Variants in HEATR4 observed in about 807,000 individuals in gnomAD.
The protein encoded by HEATR4 is HEAT repeat-containing protein 4.
In HEATR4, 95 loss-of-function variants were observed where a neutral mutation model predicts 108.8. That is an observed-to-expected ratio of 0.87 (90% CI 0.74 to 1.04). The LOEUF (loss-of-function observed/expected upper bound fraction) is 1.04. Ranked by LOEUF, HEATR4 falls within the 50% of genes least tolerant of loss-of-function variation. The pLI is 0.00. For synonymous variants in HEATR4, 443 were observed against 459.4 expected, an observed-to-expected ratio of 0.96 and a Z score of 0.46; for missense variants, 1,152 against 1,253.8, an observed-to-expected ratio of 0.92 and a Z score of 1.23.
At chr14:73,594,125 ATAT>A in the HEATR4 span, among the ~76,000 whole-genome samples, 3 of 152,176 alleles carry the variant, frequency 2.0e-5, no homozygotes, top group East Asian at 3.8e-4. Flanking sequence ...GTAATATTAA[ATAT>A]TATCTGTATA....
the HEATR4 span, among the ~76,000 whole-genome samples, chr14:73,629,755 C>T: frequency 3.9e-5 from 6 of 151,918 alleles, no homozygotes; most frequent in Admixed American, 6.6e-5. Context: ...CGCCATTCTC[C>T]TGCCTCAGCC....
intron 5 of HEATR4, among the ~76,000 whole-genome samples, chr14:73,514,455 G>T (rs1321627349): frequency 6.6e-6 from 1 of 152,086 alleles, no homozygotes; most frequent in Non-Finnish European, 1.5e-5. Flanking sequence ...GATGATGGGG[G>T]TGAGAGATTT....
intron 10 of HEATR4, among the ~76,000 whole-genome samples, chr14:73,504,019 G>T (rs1886649912): frequency 6.6e-6 from 1 of 151,760 alleles, no homozygotes; most frequent in South Asian, 2.1e-4. Flanking sequence ...TTGTTAAAAT[G>T]ATATTGTTAA....
chr14:73,503,459 T>G (rs1437830409), intron 10 of HEATR4, among the ~76,000 whole-genome samples: 8 of 152,176 alleles, frequency 5.3e-5, no homozygotes, highest in Non-Finnish European at 1.2e-4. Flanking sequence ...ACTCTATAAG[T>G]GCACTTCTCT....
At chr14:73,579,573 C>CA in the HEATR4 span, among the ~76,000 whole-genome samples, 547 of 55,904 alleles carry the variant, frequency 9.8e-3, 2 homozygotes, top group Non-Finnish European at 0.013. Flanking sequence ...AAAGCCGTCT[C>CA]AAAAAAAAAA....
the HEATR4 span, among the ~76,000 whole-genome samples, chr14:73,577,732 T>C: frequency 6.6e-6 from 1 of 152,030 alleles, no homozygotes; most frequent in African/African-American, 2.4e-5. Flanking sequence ...ACAGATGAGC[T>C]GGTGGGTGTA....
the HEATR4 span, among the ~76,000 whole-genome samples, chr14:73,632,689 C>G: frequency 2.0e-5 from 3 of 151,592 alleles, no homozygotes; most frequent in African/African-American, 7.3e-5. Context: ...ACTAAAAATA[C>G]AAAAATTAGC....
Position 73,502,941 on chromosome 14 carries a change from C to T in HEATR4, c.2059G>A (p.Ala687Thr), listed in dbSNP as rs1886572209. 1 of 1,614,054 alleles carries T rather than the reference C, an allele frequency of 6.2e-7. No individual in the cohort carries two copies. Among genetic ancestry groups the T allele is most frequent in the Non-Finnish European group, 8.5e-7 (1 of 1,180,018 alleles). ...TTCCCGAGGCTCATTTGCCCAAGCG[C>T]CTGTGCAGCTGCTCTCCTCACTTCC... Reference protein sequence around the residue: ...NKEVRRAAAQALGQMSLGKEV... With the variant: ...NKEVRRAAAQTLGQMSLGKEV... Residue 687 changes from alanine (A) to threonine (T), a missense_variant, in exon 11 of 18, where the codon GCG (alanine) becomes ACG (threonine). Coordinates refer to ENST00000553558, the MANE Select transcript of HEATR4 (RefSeq NM_001220484.1).
chr14:73,597,663 G>A, the HEATR4 span, among the ~76,000 whole-genome samples: 20 of 137,220 alleles, frequency 1.5e-4, no homozygotes, highest in African/African-American at 4.7e-4. Context: ...GCACAATCTC[G>A]GCTCACCACA....
At chr14:73,502,810 G>C in intron 11 of HEATR4, 85 bp downstream of exon 11, 1 of 967,642 alleles carries the variant, frequency 1.0e-6, no homozygotes, top group Non-Finnish European at 1.7e-6. Flanking sequence ...TCTTCCCAAA[G>C]TGTTGGGAGC....
intron 17 of HEATR4, among the ~76,000 whole-genome samples, chr14:73,487,851 T>C (rs944235002): frequency 3.3e-5 from 5 of 152,056 alleles, no homozygotes; most frequent in African/African-American, 1.2e-4. Flanking sequence ...CAAAAGATAA[T>C]TGGGGGACAA....
the HEATR4 span, among the ~76,000 whole-genome samples, chr14:73,591,097 T>A: frequency 6.6e-6 from 1 of 151,928 alleles, no homozygotes; most frequent in Non-Finnish European, 1.5e-5. Flanking sequence ...CATTTAAAAA[T>A]TAACGTGGCA....
At chr14:73,605,989 C>T in the HEATR4 span, among the ~76,000 whole-genome samples, 4 of 152,232 alleles carry the variant, frequency 2.6e-5, no homozygotes, top group Admixed American at 6.5e-5. Context: ...ACCGGCTCAT[C>T]GGATCTTGTG....
intron 4 of HEATR4, among the ~76,000 whole-genome samples, chr14:73,519,805 C>G (rs752427328): frequency 2.0e-5 from 3 of 152,150 alleles, no homozygotes; most frequent in Non-Finnish European, 2.9e-5. Context: ...ATCACAAGGT[C>G]AAGAGATTGT....
chr14:73,580,231 C>G, the HEATR4 span, among the ~76,000 whole-genome samples: 4 of 152,040 alleles, frequency 2.6e-5, 1 homozygote, highest in Non-Finnish European at 5.9e-5. Flanking sequence ...GGGGCTCAAC[C>G]CATCCTCCCA....
At chr14:73,510,759 C>T (rs1200760845) in intron 7 of HEATR4, among the ~76,000 whole-genome samples, 1 of 152,092 alleles carries the variant, frequency 6.6e-6, no homozygotes, top group Non-Finnish European at 1.5e-5. Flanking sequence ...TTGAGGCTGT[C>T]TTGAGCATTC....
At chr14:73,628,766 A>T in the HEATR4 span, among the ~76,000 whole-genome samples, 1 of 151,350 alleles carries the variant, frequency 6.6e-6, no homozygotes, top group African/African-American at 2.4e-5. Flanking sequence ...AAAAAAAAAA[A>T]AATTTGCCAC....
At chr14:73,573,815 C>T in the HEATR4 span, among the ~76,000 whole-genome samples, 1 of 151,986 alleles carries the variant, frequency 6.6e-6, no homozygotes, top group African/African-American at 2.4e-5. Context: ...CAACCTCCAC[C>T]TCCCAAGTTC....
At chr14:73,610,275 T>G in the HEATR4 span, among the ~76,000 whole-genome samples, 120,314 of 150,078 alleles carry the variant, frequency 0.8, 49,075 homozygotes, top group African/African-American at 0.95. Flanking sequence ...CCGAGATTGT[T>G]TCAGTCAAGT....
Sources: gnomAD v4.1 joint callset for allele counts (sites outside exome capture counted in the v4.1 genomes callset) on GRCh38, gnomAD v4.1.1 for gene constraint, MANE v1.5 for transcripts, NCBI Gene and HGNC (gene_info 2026-07-23, HGNC 2026-07-21) for gene names.